ARNT2: variants seen among roughly 807,000 people sequenced by gnomAD.
ARNT2 encodes aryl hydrocarbon receptor nuclear translocator 2.
ARNT2 carries 36 observed loss-of-function variants against 91.7 expected under a neutral mutation model. The ratio of observed to expected loss-of-function variants is 0.39; its 90% confidence interval spans 0.30 to 0.52. ARNT2 has a LOEUF of 0.52. Among genes scored for constraint, ARNT2 ranks in the 20% least tolerant of loss-of-function variants. The probability of loss-of-function intolerance (pLI) is 0.72; values close to 1 mark genes in which losing one functional copy is unlikely to be tolerated. For missense variants in ARNT2, 775 were observed against 939.3 expected (o/e 0.83, Z 2.29); for synonymous variants, 365 against 347.1 (o/e 1.05, Z -0.57).
chr15:80,473,353 G>A (rs1435665085), intron 4 of ARNT2, among the ~76,000 whole-genome samples: 9 of 152,232 alleles, frequency 5.9e-5, no homozygotes, highest in South Asian at 2.1e-4. Flanking sequence ...TCCGTGATGC[G>A]AGCAGGGCTT....
chr15:80,566,017 A>G (rs1402738147), intron 12 of ARNT2, among the ~76,000 whole-genome samples: 1 of 152,170 alleles, frequency 6.6e-6, no homozygotes, highest in African/African-American at 2.4e-5. Context: ...CTGGCCCAGA[A>G]GCATAGAATT....
In ARNT2 at chr15:80,568,405, T is replaced by G. The variant is rs1231058177; in HGVS notation, c.1316+5166T>G. ...TCCTGTCACAGCATTGTTCCAACGT[T>G]GTCATAACCACACCTGTTGGTCGTG... On this transcript the variant is annotated intron_variant, in intron 12 of 18. Coordinates refer to ENST00000303329, the MANE Select transcript of ARNT2 (RefSeq NM_014862.4). Among the ~76,000 whole-genome samples the G allele has an allele frequency of 2.0e-5, 3 of 152,204 alleles. 1 individual carries two copies. Among genetic ancestry groups the G allele is most frequent in the African/African-American group, 7.2e-5 (3 of 41,452 alleles).
In ARNT2 at chr15:80,594,832, C is replaced by T. The variant is rs935785058; in HGVS notation, c.*1134C>T. ...CATGGGCACCATGAAACACTTTCTTCCAGGCCACCTGAGCCTTCGTTCTTC... is the reference window on the plus strand; with the variant it reads ...CATGGGCACCATGAAACACTTTCTTTCAGGCCACCTGAGCCTTCGTTCTTC... On this transcript the variant is annotated 3_prime_UTR_variant, in exon 19 of 19. Transcript: ENST00000303329. The T allele has an allele frequency of 6.6e-6, 1 of 152,300 alleles. No homozygotes were observed. The highest frequency in any genetic ancestry group is 6.5e-5 in the Admixed American group (1 of 15,278). The allele number at this position is 152,300 out of a possible 1,614,324, so 9.4% of individuals were successfully genotyped here.
At chr15:80,509,717 G>A (rs1402808743) in intron 6 of ARNT2, among the ~76,000 whole-genome samples, 1 of 152,148 alleles carries the variant, frequency 6.6e-6, no homozygotes, top group Non-Finnish European at 1.5e-5. Context: ...TAAAGAAAGT[G>A]AGTGAATGAA....
chr15:80,478,054 C>T (rs756316990), intron 5 of ARNT2, among the ~76,000 whole-genome samples: 9 of 152,180 alleles, frequency 5.9e-5, no homozygotes, highest in Non-Finnish European at 1.2e-4. Flanking sequence ...TCTGCTACCC[C>T]ATTCTCCTGC....
At chr15:80,459,466 T>A (rs1376916223) in intron 3 of ARNT2, among the ~76,000 whole-genome samples, 1 of 152,168 alleles carries the variant, frequency 6.6e-6, no homozygotes, top group Non-Finnish European at 1.5e-5. Flanking sequence ...GAAGGAACAA[T>A]GACTTTGGTT....
chr15:80,407,426 C>A (rs1895616773), intron 1 of ARNT2, among the ~76,000 whole-genome samples: 1 of 152,130 alleles, frequency 6.6e-6, no homozygotes, highest in Non-Finnish European at 1.5e-5. Flanking sequence ...CCTTCAAGGT[C>A]CCCTGTTGGG....
chr15:80,458,077 T>C, intron 3 of ARNT2, 101 bp downstream of exon 3: 2 of 1,284,830 alleles, frequency 1.6e-6, no homozygotes, highest in Non-Finnish European at 2.2e-6. Flanking sequence ...GCAAAAGCCA[T>C]TGCCTGCAGT....
At position 80,508,208 on chromosome 15, in the gene ARNT2, A is replaced by G; in HGVS notation, c.675A>G (p.Ser225=). 1 of 1,614,170 alleles carries G rather than the reference A, an allele frequency of 6.2e-7. No individual in the cohort carries two copies. The change falls in exon 6 of 19, where the codon TCA becomes TCG. Residue 225 remains serine (S), a synonymous_variant. Transcript: ENST00000303329. ...TGTVKKEGQQ[S]SMRMCMGSRR... is the part of the protein sequence containing the mutation. ...CGGTCAAGAAAGAAGGGCAGCAGTC[A>G]TCCATGAGGATGTGCATGGGCTCGC... is the stretch of plus-strand genomic sequence containing the variant.
At position 80,524,141 on chromosome 15, in the gene ARNT2, A is replaced by G. The variant is rs529187349; in HGVS notation, c.877+9736A>G. ...TGCTAAAAAATGTGTATACAGAGAC[A>G]CTAAACATATGGAAAAAGTTAGCCT... On this transcript the variant is annotated intron_variant, in intron 8 of 18. Coordinates refer to ENST00000303329, the MANE Select transcript of ARNT2 (RefSeq NM_014862.4). Among the ~76,000 whole-genome samples the G allele has an allele frequency of 2.0e-5, 3 of 152,346 alleles. No homozygotes were observed. The East Asian group carries it at 5.8e-4, about 29-fold the overall frequency.
intron 1 of ARNT2, among the ~76,000 whole-genome samples, chr15:80,429,202 C>T (rs1382862758): frequency 6.6e-6 from 1 of 152,168 alleles, no homozygotes; most frequent in African/African-American, 2.4e-5. Context: ...AATGAGATGA[C>T]CTGTGGCTGG....
Position 80,527,494 on chromosome 15 carries a change from G to GA in ARNT2, c.877+13095dup, listed in dbSNP as rs1345143612. Among the ~76,000 whole-genome samples, 6 of 152,288 alleles carry GA rather than the reference G, an allele frequency of 3.9e-5. No individual in the cohort carries two copies. The East Asian group carries it at 9.6e-4, about 24-fold the overall frequency. On this transcript the variant is annotated intron_variant, in intron 8 of 18. Coordinates refer to ENST00000303329, the MANE Select transcript of ARNT2 (RefSeq NM_014862.4). ...AAGGAGATGTGGGAATTGGCTGGTT[G>GA]AAAAAATGCATTACAAGCATGGGAA...
At chr15:80,559,315 T>C (rs942178036) in intron 11 of ARNT2, among the ~76,000 whole-genome samples, 26 of 151,470 alleles carry the variant, frequency 1.7e-4, no homozygotes, top group South Asian at 8.3e-4. Context: ...GTGCCGGCAG[T>C]CCCAGCCCCA....
chr15:80,535,492 A>C (rs1050522218), intron 8 of ARNT2, among the ~76,000 whole-genome samples: 1 of 152,184 alleles, frequency 6.6e-6, no homozygotes, highest in African/African-American at 2.4e-5. Flanking sequence ...GATTTTCTTC[A>C]TTAGTGAAAT....
rs138891901 is a variant in ARNT2, at chr15:80,438,565, C to T, written c.32-12315C>T. ...AGCATACCAAACAATTCCACAAAGA[C>T]ATAATTTATAATATACACTAATAAT... On this transcript the variant is annotated intron_variant, in intron 1 of 18. Coordinates refer to ENST00000303329, the MANE Select transcript of ARNT2 (RefSeq NM_014862.4). Among the ~76,000 whole-genome samples the T allele has an allele frequency of 2.6e-5, 4 of 152,278 alleles. No individual in the cohort carries two copies. The East Asian group carries it at 7.7e-4, about 29-fold the overall frequency.
intron 1 of ARNT2, among the ~76,000 whole-genome samples, chr15:80,418,476 C>A (rs1394964626): frequency 6.6e-6 from 1 of 152,196 alleles, no homozygotes; most frequent in East Asian, 1.9e-4. Flanking sequence ...TTCTTCTGTC[C>A]TGACTTCTGC....
At chr15:80,502,986 G>A (rs866996264) in intron 5 of ARNT2, among the ~76,000 whole-genome samples, 1 of 152,178 alleles carries the variant, frequency 6.6e-6, no homozygotes, top group Non-Finnish European at 1.5e-5. Flanking sequence ...ATGAGGCTGG[G>A]GAGCAGGGAT....
intron 5 of ARNT2, among the ~76,000 whole-genome samples, chr15:80,506,458 T>C (rs1253954079): frequency 6.6e-6 from 1 of 152,154 alleles, no homozygotes; most frequent in African/African-American, 2.4e-5. Flanking sequence ...GGGATTCCGG[T>C]TAGACTCAAT....
chr15:80,561,166 T>C (rs1898338373), intron 11 of ARNT2, among the ~76,000 whole-genome samples: 1 of 152,154 alleles, frequency 6.6e-6, no homozygotes, highest in Admixed American at 6.5e-5. Context: ...CACCGAAGAA[T>C]AGACCACAAG....
Sources: gnomAD v4.1 joint callset for allele counts (sites outside exome capture counted in the v4.1 genomes callset) on GRCh38, gnomAD v4.1.1 for gene constraint, MANE v1.5 for transcripts, NCBI Gene and HGNC (gene_info 2026-07-23, HGNC 2026-07-21) for gene names.